The following ASPDH variants were observed in gnomAD, a reference collection of about 807,000 sequenced individuals.
ASPDH encodes aspartate dehydrogenase domain-containing protein.
In ASPDH, 25 loss-of-function variants were observed where a neutral mutation model predicts 30.5. That is an observed-to-expected ratio of 0.82 (90% CI 0.60 to 1.14). The LOEUF is 1.14. Among genes scored for constraint, ASPDH ranks in the 50% most tolerant of loss-of-function variants. The pLI is 0.00. For synonymous variants in ASPDH, 168 were observed against 156.3 expected (o/e 1.07, Z -0.56); for missense variants, 401 against 381.5 (o/e 1.05, Z -0.43).
rs773288547 is a variant in ASPDH at position 50,512,815 on chromosome 19, G to C, written c.283-5C>G. 6.2e-7 allele frequency: 1 copy of C among 1,600,246 alleles called. No individual in the cohort carries two copies. Among genetic ancestry groups the C allele is most frequent in the Admixed American group, 1.8e-5 (1 of 57,130 alleles). On this transcript the variant is annotated splice_polypyrimidine_tract_variant and splice_region_variant and intron_variant, in intron 3 of 6. Transcript: ENST00000389208. ...TAGAGCTGAGGGGGACCCCACCTGGGGTGGATGAAGGAGGGGAGGGTTGAG... is the reference window on the plus strand; with the variant it reads ...TAGAGCTGAGGGGGACCCCACCTGGCGTGGATGAAGGAGGGGAGGGTTGAG...
Position 50,512,124 on chromosome 19 carries a change from G to C in ASPDH, c.808+12C>G. ...AGGAGCCCAGGGCCGGGGGAGAGGGGCCTGGCCGCACCCAGGAGGCTCTGC... is the reference window on the plus strand; with the variant it reads ...AGGAGCCCAGGGCCGGGGGAGAGGGCCCTGGCCGCACCCAGGAGGCTCTGC... On this transcript the variant is annotated intron_variant, in intron 6 of 6. Transcript: ENST00000389208. The C allele has an allele frequency of 6.5e-7, 1 of 1,532,898 alleles. No homozygotes were observed. The allele number at this position is 1,532,898 out of a possible 1,614,324, so 95.0% of individuals were successfully genotyped here. A position where few individuals can be genotyped will look rare whatever the true frequency, so the allele number is the denominator to read the frequency against.
chr19:50,512,342 C>T lies in ASPDH; in HGVS notation c.653+18G>A, dbSNP rs750324047. Reference sequence around the variant, plus strand: ...GAGAGCCTGGACTCAGCCCAACACCCTGCTTAGCTCTGCTCACCTGGTATC... The same window carrying T: ...GAGAGCCTGGACTCAGCCCAACACCTTGCTTAGCTCTGCTCACCTGGTATC... On this transcript the variant is annotated intron_variant, in intron 5 of 6. Transcript: ENST00000389208. 4 of 1,613,784 alleles carry T rather than the reference C, an allele frequency of 2.5e-6. No homozygotes were observed. The African/African-American group carries it at 5.3e-5, about 22-fold the overall frequency.
upstream of ASPDH, chr19:50,514,817 G>GGGGGGGGGGGGGGC: frequency 2.1e-6 from 1 of 466,764 alleles, no homozygotes; most frequent in Non-Finnish European, 3.3e-6. Flanking sequence ...GGGGGGGCGG[G>GGGGGGGGGGGGGGC]CACTGGGTGG....
At position 50,512,721 on chromosome 19, in the gene ASPDH, G is replaced by A; in HGVS notation, c.372C>T (p.Ala124=). 6.4e-7 allele frequency: 1 copy of A among 1,552,740 alleles called. No homozygotes were observed. The highest frequency in any genetic ancestry group is 1.2e-5 in the South Asian group (1 of 84,466). The part of the protein sequence containing the change: ...SQHWDHAVFV[A]RGALWGAEDI... ...CCTCAGCGCCCCACAGGGCCCCTCG[G>A]GCCACAAACACGGCGTGGTCCCAGT... is the stretch of plus-strand genomic sequence containing the variant. The change falls in exon 4 of 7, where the codon GCC becomes GCT. Residue 124 remains alanine (A), a synonymous_variant. Coordinates refer to ENST00000389208, the MANE Select transcript of ASPDH (RefSeq NM_001114598.2).
Position 50,513,044 on chromosome 19 carries a change from G to A in ASPDH, c.198-33C>T, listed in dbSNP as rs201681249. The A allele has an allele frequency of 2.5e-4, 385 of 1,569,472 alleles. 1 individual carries two copies. In the African/African-American group the frequency reaches 4.5e-3, roughly 18 times the overall value. ...AGGGGAAAGAGGGCGGAGGGTCTTG[G>A]AGAGGTATTAGGCCTCTTCTCCCCA... On this transcript the variant is annotated intron_variant, in intron 2 of 6. Coordinates refer to ENST00000389208, the MANE Select transcript of ASPDH (RefSeq NM_001114598.2). This position sits in a 1 kb window ranked among gnomAD's most constrained non-coding sequence, Gnocchi z 4.9.
At chr19:50,514,616 A>C, upstream of ASPDH, 1 of 1,605,420 alleles carries the variant, frequency 6.2e-7, no homozygotes, top group Non-Finnish European at 8.5e-7. Context: ...GGAGAGGCCA[A>C]GTGCCCCCAA....
At chr19:50,514,779 A>G (rs1029551638), upstream of ASPDH, 16 of 1,166,368 alleles carry the variant, frequency 1.4e-5, no homozygotes, top group South Asian at 3.5e-5. Flanking sequence ...GCTGGAGAGA[A>G]AGAGAGCGTG....
chr19:50,511,678 G>A lies in ASPDH; in HGVS notation c.*52C>T, dbSNP rs1979889785. 12 of 1,179,964 alleles carry A rather than the reference G, an allele frequency of 1.0e-5. No individual in the cohort carries two copies. Among genetic ancestry groups the A allele is most frequent in the Non-Finnish European group, 1.2e-5 (11 of 908,292 alleles). The allele number at this position is 1,179,964 out of a possible 1,614,324, so 73.1% of individuals were successfully genotyped here. ...AGTGGGGCAGGGCAGGGGTGGGATG[G>A]TGGTGGTGAGAGGCCAGGCAGATGA... On this transcript the variant is annotated 3_prime_UTR_variant, in exon 7 of 7. Coordinates refer to ENST00000389208, the MANE Select transcript of ASPDH (RefSeq NM_001114598.2).
chr19:50,514,792 C>A, upstream of ASPDH: 1 of 422,790 alleles, frequency 2.4e-6, no homozygotes, highest in South Asian at 4.2e-5. Flanking sequence ...AGAGCGTGAA[C>A]GGGAGCATGG....
upstream of ASPDH, among the ~76,000 whole-genome samples, chr19:50,514,077 G>GC (rs1322545678): frequency 6.6e-6 from 1 of 152,158 alleles, no homozygotes; most frequent in Non-Finnish European, 1.5e-5. Flanking sequence ...AACCCTGCGT[G>GC]CCCCCCTTTC....
At chr19:50,514,573 C>T, upstream of ASPDH, 3 of 1,613,288 alleles carry the variant, frequency 1.9e-6, no homozygotes, top group Non-Finnish European at 1.7e-6. Context: ...CGTTCCCCAG[C>T]TCGCGTCAGC....
upstream of ASPDH, chr19:50,513,931 G>A (rs1980114465): frequency 2.2e-6 from 3 of 1,381,748 alleles, no homozygotes; most frequent in Middle Eastern, 5.3e-4. The surrounding 1 kb of genome is among the most constrained non-coding windows in gnomAD (Gnocchi z 4.9). Context: ...GAGCCTCTGG[G>A]CTCAGTCTTC....
At chr19:50,514,787 G>A (rs554537607), upstream of ASPDH, 14 of 1,039,016 alleles carry the variant, frequency 1.3e-5, no homozygotes, top group East Asian at 1.3e-4. Context: ...GAAAGAGAGC[G>A]TGAACGGGAG....
chr19:50,513,533 G>T lies in ASPDH; in HGVS notation c.53-117C>A. On this transcript the variant is annotated intron_variant, in intron 1 of 6. Coordinates refer to ENST00000389208, the MANE Select transcript of ASPDH (RefSeq NM_001114598.2). This position sits in a 1 kb window ranked among gnomAD's most constrained non-coding sequence, Gnocchi z 4.9. ...GAGGAGGTGGGGACAGACTCAGATT[G>T]CGGGGTAGGGAGACAGAGATGGGGG... The T allele has an allele frequency of 8.9e-7, 1 of 1,120,708 alleles. No homozygotes were observed. Among genetic ancestry groups the T allele is most frequent in the Non-Finnish European group, 1.2e-6 (1 of 803,170 alleles). 69.4% of individuals were successfully genotyped at this position (1,120,708 alleles called of 1,614,324 possible).
chr19:50,511,916 GGACA>G, intron 6 of ASPDH, 143 bp from the exon 7 acceptor site: 1 of 544,826 alleles, frequency 1.8e-6, no homozygotes, highest in Non-Finnish European at 2.9e-6. Flanking sequence ...CCCTGGGGGT[GGACA>G]GAGACAGAGA....
upstream of ASPDH, chr19:50,513,946 T>G: frequency 1.8e-5 from 22 of 1,242,790 alleles, no homozygotes; most frequent in Non-Finnish European, 2.4e-5. This position sits in a 1 kb window ranked among gnomAD's most constrained non-coding sequence, Gnocchi z 4.9. Context: ...GTCTTCCCCC[T>G]TCCCCGCAGG....
chr19:50,514,673 G>A, upstream of ASPDH: 2 of 1,541,628 alleles, frequency 1.3e-6, no homozygotes, highest in Non-Finnish European at 1.7e-6. Context: ...CATCGGAAAT[G>A]GCGCAGGCTG....
Position 50,513,779 on chromosome 19 carries a change from G to A in ASPDH, c.45C>T (p.Gly15=). 3 of 1,549,934 alleles carry A rather than the reference G, an allele frequency of 1.9e-6. No homozygotes were observed. Among genetic ancestry groups the A allele is most frequent in the South Asian group, 2.4e-5 (2 of 84,006 alleles). The change falls in exon 1 of 7, where the codon GGC becomes GGT. Residue 15 remains glycine, a synonymous_variant. Coordinates refer to ENST00000389208, the MANE Select transcript of ASPDH (RefSeq NM_001114598.2). This position sits in a 1 kb window ranked among gnomAD's most constrained non-coding sequence, Gnocchi z 4.9. ...GGATGGTCAGGGACTCACCGAGGCG[G>A]CCATAGCCCACCACGCCCACCCTCC... The part of the protein sequence containing the change: ...GPWRVGVVGY[G]RLGQSLVSRL...
upstream of ASPDH, chr19:50,514,334 G>A (rs1568709940): frequency 1.7e-6 from 2 of 1,174,864 alleles, no homozygotes; most frequent in Non-Finnish European, 2.5e-6. Flanking sequence ...GAGGCAGCGG[G>A]AGCCCTGGTT....
Sources: allele counts gnomAD v4.1 joint callset (sites outside exome capture counted in the v4.1 genomes callset), GRCh38; gene constraint gnomAD v4.1.1; non-coding constraint Gnocchi (gnomAD v3.1); transcripts MANE v1.5; gene names NCBI Gene and HGNC (gene_info 2026-07-23, HGNC 2026-07-21).